The following AXIN1 variants were observed in gnomAD, a reference collection of about 807,000 sequenced individuals.
AXIN1 encodes axin 1.
In AXIN1, 30 loss-of-function variants were observed where a neutral mutation model predicts 76.4. That is an observed-to-expected ratio of 0.39 (90% CI 0.29 to 0.53). AXIN1 has a LOEUF of 0.53. Ranked by LOEUF, AXIN1 falls within the 20% of genes least tolerant of loss-of-function variation. The probability of loss-of-function intolerance (pLI) is 0.66; values close to 1 mark genes in which losing one functional copy is unlikely to be tolerated. For missense variants in AXIN1, 1,140 were observed against 1,198.8 expected (o/e 0.95, Z 0.72); for synonymous variants, 545 against 501.4 (o/e 1.09, Z -1.16).
intron 2 of AXIN1, among the ~76,000 whole-genome samples, chr16:344,363 G>T (rs1184128654): frequency 6.8e-6 from 1 of 147,846 alleles, no homozygotes; most frequent in African/African-American, 2.5e-5. Flanking sequence ...CTGGGAGGCG[G>T]AGCTTGCAGT....
chr16:339,296 G>GATCGAGACC (rs1427301980), intron 2 of AXIN1, among the ~76,000 whole-genome samples: 1 of 149,312 alleles, frequency 6.7e-6, no homozygotes, highest in Non-Finnish European at 1.5e-5. Context: ...AAGGTCAGGA[G>GATCGAGACC]ATCGAGACCA....
intron 5 of AXIN1, among the ~76,000 whole-genome samples, chr16:303,851 C>A (rs956599599): frequency 6.6e-6 from 1 of 152,208 alleles, no homozygotes; most frequent in Non-Finnish European, 1.5e-5. Flanking sequence ...CCTCAAGGAA[C>A]CAAAAGTGAC....
chr16:349,104 A>AAAAAT (rs56249181), intron 1 of AXIN1, among the ~76,000 whole-genome samples: 36,657 of 149,686 alleles, frequency 0.24, 4,857 homozygotes, highest in South Asian at 0.41. Flanking sequence ...TCTGTCTCAA[A>AAAAAT]AAAATAAAAT....
chr16:296,074 T>C (rs2052703757), intron 7 of AXIN1, among the ~76,000 whole-genome samples: 1 of 152,198 alleles, frequency 6.6e-6, no homozygotes. Flanking sequence ...GAGACCCAGC[T>C]GGGCAACACA....
chr16:319,396 G>C (rs561520549), intron 2 of AXIN1, among the ~76,000 whole-genome samples: 2 of 152,298 alleles, frequency 1.3e-5, no homozygotes, highest in Admixed American at 1.3e-4. Flanking sequence ...GCCCATCACA[G>C]AAGGGAAAGT....
intron 2 of AXIN1, among the ~76,000 whole-genome samples, chr16:334,636 C>T (rs548689364): frequency 1.1e-4 from 15 of 138,656 alleles, no homozygotes; most frequent in South Asian, 7.5e-4. Flanking sequence ...TAGCACAGCA[C>T]GCCAATAATG....
chr16:298,511 T>C (rs2052782981), intron 5 of AXIN1, among the ~76,000 whole-genome samples: 1 of 152,154 alleles, frequency 6.6e-6, no homozygotes, highest in South Asian at 2.1e-4. Context: ...TTTAGTTTAG[T>C]TTTATTCTTT....
rs9936230 is a variant in AXIN1 at position 348,446 on chromosome 16, C to A, written c.-81-1340G>T. Among the ~76,000 whole-genome samples, 1,135 of 152,342 alleles carry A rather than the reference C, an allele frequency of 7.5e-3. 14 individuals are homozygous for A. The highest frequency in any genetic ancestry group is 0.026 in the African/African-American group (1,068 of 41,572). ...GTCTATGTGGAATCTGTCCCCCACA[C>A]CAACTTCCTCACATTGCACACACTT... On this transcript the variant is annotated intron_variant, in intron 1 of 10. Coordinates refer to ENST00000262320, the MANE Select transcript of AXIN1 (RefSeq NM_003502.4).
At chr16:301,305 A>C (rs1465878108) in intron 5 of AXIN1, among the ~76,000 whole-genome samples, 2 of 151,894 alleles carry the variant, frequency 1.3e-5, no homozygotes, top group Admixed American at 6.6e-5. Context: ...AAAAAAAAAA[A>C]AAACTGGAGT....
At chr16:307,428 G>A (rs759231125) in intron 4 of AXIN1, among the ~76,000 whole-genome samples, 10 of 152,244 alleles carry the variant, frequency 6.6e-5, no homozygotes, top group Non-Finnish European at 1.3e-4. Flanking sequence ...AAACTTCCAA[G>A]TAATTGTAAA....
chr16:346,234 G>C lies in AXIN1; in HGVS notation c.792C>G (p.Pro264=), dbSNP rs766651734. 8.1e-6 allele frequency: 13 copies of C among 1,613,932 alleles called. 1 individual carries two copies. The highest frequency in any genetic ancestry group is 6.7e-5 in the Admixed American group (4 of 60,002). The change falls in exon 2 of 11, where the codon CCC becomes CCG. Residue 264 remains proline (P), a synonymous_variant. Transcript: ENST00000262320. ...GGAGCAGCTTCTGAGGGAGTCTTCC[G>C]GGGGGAGCAGCGTCTCTGCCATCGT... is the stretch of plus-strand genomic sequence containing the variant. ...DEDDGRDAAP[P]GRLPQKLLLE...
chr16:329,501 A>G (rs2053649984), intron 2 of AXIN1, among the ~76,000 whole-genome samples: 1 of 151,934 alleles, frequency 6.6e-6, no homozygotes, highest in South Asian at 2.1e-4. Flanking sequence ...GCTGGAGTGC[A>G]ATGGCGTGAT....
At chr16:329,379 G>A (rs60769452) in intron 2 of AXIN1, among the ~76,000 whole-genome samples, 28,970 of 151,802 alleles carry the variant, frequency 0.19, 2,848 homozygotes, top group Middle Eastern at 0.27. Context: ...AATCTAGAGC[G>A]ATCTAGATAG....
At chr16:309,197 G>A (rs1173531562) in intron 4 of AXIN1, among the ~76,000 whole-genome samples, 1 of 152,000 alleles carries the variant, frequency 6.6e-6, no homozygotes, top group Non-Finnish European at 1.5e-5. Context: ...GGGCGTGGTG[G>A]CAGGCGCCTG....
chr16:293,740 T>A lies in AXIN1; in HGVS notation c.1956-22A>T, dbSNP rs553562225. The A allele has an allele frequency of 5.0e-6, 8 of 1,610,718 alleles. No homozygotes were observed. Among genetic ancestry groups the A allele is most frequent in the Non-Finnish European group, 5.9e-6 (7 of 1,178,284 alleles). On this transcript the variant is annotated intron_variant, in intron 7 of 10. Coordinates refer to ENST00000262320, the MANE Select transcript of AXIN1 (RefSeq NM_003502.4). This position sits in a 1 kb window ranked among gnomAD's most constrained non-coding sequence, Gnocchi z 4.6. ...AGACCTTGGGGAACAAGAGAACAAG[T>A]TGTGACTGTGGCCGACACCCTGGCC...
chr16:305,965 TG>T (rs770379915), intron 4 of AXIN1, among the ~76,000 whole-genome samples: 5 of 152,188 alleles, frequency 3.3e-5, no homozygotes, highest in Non-Finnish European at 5.9e-5. Flanking sequence ...CGCCTGGCCC[TG>T]TGTAACTTTC....
chr16:320,815 C>CTGCAAGCTCCGCCTCCTGGG (rs138748070), intron 2 of AXIN1, among the ~76,000 whole-genome samples: 1 of 143,570 alleles, frequency 7.0e-6, no homozygotes, highest in Non-Finnish European at 1.5e-5. Flanking sequence ...TCTCGGCTCA[C>CTGCAAGCTCCGCCTCCTGGG]TACAACCTCC....
At chr16:320,203 C>A (rs1236201667) in intron 2 of AXIN1, among the ~76,000 whole-genome samples, 4 of 152,180 alleles carry the variant, frequency 2.6e-5, no homozygotes, top group African/African-American at 9.7e-5. Context: ...CACACTACCA[C>A]TCCTGGCTAC....
In AXIN1 at chr16:297,943, C is replaced by T. The variant is rs776077034; in HGVS notation, c.1563G>A (p.Gly521=). Residue 521 remains glycine, a synonymous_variant, in exon 6 of 11, where the codon GGG becomes GGA. Coordinates refer to ENST00000262320, the MANE Select transcript of AXIN1 (RefSeq NM_003502.4). ...GCAGGCCGGCCGCGTCCAGCTTCGCCCCTGACTTGGGTACGTGCTTCCCGT... is the reference window on the plus strand; with the variant it reads ...GCAGGCCGGCCGCGTCCAGCTTCGCTCCTGACTTGGGTACGTGCTTCCCGT... The part of the protein sequence containing the change: ...SGHGKHVPKS[G]AKLDAAGLHH... 6.9e-6 allele frequency: 11 copies of T among 1,602,488 alleles called. 1 individual carries two copies. In the South Asian group the frequency reaches 1.1e-4, roughly 16 times the overall value.
Sources: gnomAD v4.1 joint callset for allele counts (sites outside exome capture counted in the v4.1 genomes callset) on GRCh38, gnomAD v4.1.1 for gene constraint, Gnocchi (gnomAD v3.1) non-coding constraint, MANE v1.5 for transcripts, NCBI Gene and HGNC (gene_info 2026-07-23, HGNC 2026-07-21) for gene names.